Variants in GRIK2 observed in about 807,000 individuals in gnomAD.
GRIK2 encodes glutamate receptor ionotropic, kainate 2.
A neutral mutation model predicts 100.3 loss-of-function variants in GRIK2; 32 were observed. That is an observed-to-expected ratio of 0.32 (90% confidence interval 0.24 to 0.43). The LOEUF (loss-of-function observed/expected upper bound fraction) is 0.43. Among genes scored for constraint, GRIK2 ranks in the 20% least tolerant of loss-of-function variants. The probability of loss-of-function intolerance (pLI) is 1.00; values close to 1 mark genes in which losing one functional copy is unlikely to be tolerated. For missense variants in GRIK2, 843 were observed against 1,114.9 expected (o/e 0.76, Z 3.47); for synonymous variants, 417 against 389.4 (o/e 1.07, Z -0.83).
chr6:101,444,069 T>TTTTGTTTG (rs374486097), intron 2 of GRIK2, among the ~76,000 whole-genome samples: 121 of 145,464 alleles, frequency 8.3e-4, no homozygotes, highest in Middle Eastern at 3.5e-3. Context: ...TTCCGGGTTT[T>TTTTGTTTG]TTTGTTTGTT....
chr6:102,043,160 T>A lies in GRIK2; in HGVS notation c.2311+7594T>A, dbSNP rs1031259408. 1.1e-3 allele frequency among the ~76,000 whole-genome samples: 164 copies of A among 151,894 alleles called. 1 individual carries two copies. Among genetic ancestry groups the A allele is most frequent in the African/African-American group, 3.5e-3 (144 of 41,540 alleles). Reference sequence around the variant, plus strand: ...AATGCGTTTATATTATTTAAAAAAATTTTTTAAACTAAACAGTTATAATGT... The same window carrying A: ...AATGCGTTTATATTATTTAAAAAAAATTTTTAAACTAAACAGTTATAATGT... On this transcript the variant is annotated intron_variant, in intron 15 of 16. Coordinates refer to ENST00000369134, the MANE Select transcript of GRIK2 (RefSeq NM_021956.5).
chr6:102,013,275 T>A (rs1281454145), intron 14 of GRIK2, among the ~76,000 whole-genome samples: 1 of 152,166 alleles, frequency 6.6e-6, no homozygotes, highest in East Asian at 1.9e-4. Flanking sequence ...TATTTTCATA[T>A]GTTGTTTTTG....
Position 101,832,647 on chromosome 6 carries a change from A to G in GRIK2, c.1317+14164A>G, listed in dbSNP as rs551976728. ...GTATGATGTTCTGAGTGAGATCTAA[A>G]GAAAAACAGAAACTGAAGAAACAAA... On this transcript the variant is annotated intron_variant, in intron 10 of 16. Transcript: ENST00000369134. Among the ~76,000 whole-genome samples, 688 of 152,332 alleles carry G rather than the reference A, an allele frequency of 4.5e-3. 1 individual carries two copies. The highest frequency in any genetic ancestry group is 7.8e-3 in the Non-Finnish European group (528 of 68,020).
intron 4 of GRIK2, among the ~76,000 whole-genome samples, chr6:101,648,076 C>T (rs1230854865): frequency 1.3e-5 from 2 of 152,056 alleles, no homozygotes; most frequent in African/African-American, 2.4e-5. Flanking sequence ...GAGGCAACAT[C>T]ACCCCTGATG....
intron 2 of GRIK2, among the ~76,000 whole-genome samples, chr6:101,505,841 G>C (rs958960396): frequency 6.7e-6 from 1 of 149,018 alleles, no homozygotes; most frequent in Non-Finnish European, 1.5e-5. Flanking sequence ...TGGAGCAAAA[G>C]TAGTGGCGAT....
chr6:101,859,180 T>G, intron 10 of GRIK2, 107 bp from the exon 11 acceptor site: 2 of 603,504 alleles, frequency 3.3e-6, no homozygotes, highest in South Asian at 4.4e-5. Context: ...AGTTGACTGT[T>G]GTCCTAAATT....
At chr6:101,685,701 C>T (rs1048532344) in intron 6 of GRIK2, among the ~76,000 whole-genome samples, 2 of 152,004 alleles carry the variant, frequency 1.3e-5, no homozygotes, top group Non-Finnish European at 2.9e-5. Context: ...TTTTTTCACA[C>T]CTTTCATACA....
intron 4 of GRIK2, among the ~76,000 whole-genome samples, chr6:101,647,668 G>A (rs888840428): frequency 5.3e-5 from 8 of 151,894 alleles, no homozygotes; most frequent in African/African-American, 1.5e-4. Flanking sequence ...TACTTCATAC[G>A]ACTCAGTTAT....
chr6:101,753,176 GA>G (rs1402247628), intron 7 of GRIK2, among the ~76,000 whole-genome samples: 1 of 151,336 alleles, frequency 6.6e-6, no homozygotes, highest in Non-Finnish European at 1.5e-5. Context: ...CAGCTACTTG[GA>G]GAGGCTGAGG....
At chr6:101,536,614 TAGATAGAG>T (rs1443626817) in intron 2 of GRIK2, among the ~76,000 whole-genome samples, 2 of 151,704 alleles carry the variant, frequency 1.3e-5, no homozygotes, top group Admixed American at 6.6e-5. Context: ...TTCAAAAACT[TAGATAGAG>T]AGATACACAA....
intron 12 of GRIK2, among the ~76,000 whole-genome samples, chr6:101,890,645 G>A (rs1276041297): frequency 6.6e-6 from 1 of 151,586 alleles, no homozygotes; most frequent in Non-Finnish European, 1.5e-5. Context: ...TTTAAAATCT[G>A]TGATACAGAT....
intron 4 of GRIK2, among the ~76,000 whole-genome samples, chr6:101,628,423 TA>T (rs1159359640): frequency 2.0e-5 from 3 of 152,090 alleles, no homozygotes; most frequent in African/African-American, 7.2e-5. Flanking sequence ...TAAGAGTCCT[TA>T]AAAATAAGTA....
chr6:101,843,761 G>T (rs2128436112), intron 10 of GRIK2, among the ~76,000 whole-genome samples: 1 of 152,158 alleles, frequency 6.6e-6, no homozygotes, highest in East Asian at 1.9e-4. Context: ...AGAATTTCTG[G>T]GGGTAAGGCC....
chr6:101,650,968 A>G (rs527510181), intron 4 of GRIK2, among the ~76,000 whole-genome samples: 19 of 150,084 alleles, frequency 1.3e-4, no homozygotes, highest in Admixed American at 4.0e-4. Flanking sequence ...AGAGACCTCC[A>G]GTTAGAATGA....
intron 7 of GRIK2, among the ~76,000 whole-genome samples, chr6:101,768,468 A>G (rs1003699151): frequency 6.6e-6 from 1 of 152,150 alleles, no homozygotes; most frequent in African/African-American, 2.4e-5. Flanking sequence ...TGGTGAGCAA[A>G]TTATGGTTTC....
At chr6:101,920,411 A>G (rs1051093529) in intron 12 of GRIK2, among the ~76,000 whole-genome samples, 6 of 151,956 alleles carry the variant, frequency 3.9e-5, no homozygotes, top group Admixed American at 3.9e-4. Context: ...GAGAATTTTC[A>G]GAAAGTTGTG....
intron 4 of GRIK2, among the ~76,000 whole-genome samples, chr6:101,669,242 T>G (rs185698773): frequency 6.6e-6 from 1 of 152,284 alleles, no homozygotes; most frequent in Non-Finnish European, 1.5e-5. Context: ...ACTCTGTCAT[T>G]AAATAATTTA....
chr6:101,998,817 T>C (rs1393968883), intron 14 of GRIK2, among the ~76,000 whole-genome samples: 9 of 144,058 alleles, frequency 6.2e-5, no homozygotes, highest in African/African-American at 1.3e-4. Flanking sequence ...CTTTTCTTTT[T>C]TTTTTTTTTT....
intron 2 of GRIK2, among the ~76,000 whole-genome samples, chr6:101,597,387 AATT>A (rs1778974619): frequency 6.6e-6 from 1 of 151,716 alleles, no homozygotes; most frequent in East Asian, 1.9e-4. Context: ...AAGTTGACAT[AATT>A]TTTAAAGTAT....
Sources: gnomAD v4.1 joint callset for allele counts (sites outside exome capture counted in the v4.1 genomes callset) on GRCh38, gnomAD v4.1.1 for gene constraint, MANE v1.5 for transcripts, NCBI Gene and HGNC (gene_info 2026-07-23, HGNC 2026-07-21) for gene names.